Variants in COL7A1 observed in about 807,000 individuals in gnomAD.
COL7A1 encodes the protein collagen alpha-1(VII) chain.
COL7A1 carries 296 observed loss-of-function variants against 456.2 expected under a neutral mutation model. The observed-to-expected ratio is 0.65, with a 90% CI of 0.59 to 0.71. The LOEUF is 0.71. Among genes scored for constraint, COL7A1 ranks in the 30% least tolerant of loss-of-function variants. The pLI is 0.00. For synonymous variants in COL7A1, 1,464 were observed against 1,525.9 expected (o/e 0.96, Z 0.95); for missense variants, 3,441 against 4,017.2 (o/e 0.86, Z 3.88).
In COL7A1 at chr3:48,586,724, T is replaced by C. The variant is rs1559421167; in HGVS notation, c.3277-35A>G. Reference sequence around the variant, plus strand: ...AAGGAAACACAGAGCCTGAGGAGGATGACAGAGCAGGGATGGGGGTGCACA... The same window carrying C: ...AAGGAAACACAGAGCCTGAGGAGGACGACAGAGCAGGGATGGGGGTGCACA... On this transcript the variant is annotated intron_variant, in intron 25 of 118. Coordinates refer to ENST00000681320, the MANE Select transcript of COL7A1 (RefSeq NM_000094.4). The surrounding 1 kb of genome is among the most constrained non-coding windows in gnomAD (Gnocchi z 5.1). 10 of 1,556,740 alleles carry C rather than the reference T, an allele frequency of 6.4e-6. No homozygotes were observed. The highest frequency in any genetic ancestry group is 7.8e-6 in the Non-Finnish European group (9 of 1,149,738).
Position 48,591,543 on chromosome 3 carries a change from C to T in COL7A1, c.1557G>A (p.Leu519=). ...AGGACACTCGCACCCGCTGCCCGGG[C>T]AGCTCGGTGGCTTGCAGGTCTGTTA... ...SPVTDLQATE[L]PGQRVRVSWS... is the part of the protein sequence containing the mutation. The change falls in exon 13 of 119, where the codon CTG becomes CTA. Residue 519 remains leucine, a synonymous_variant. Transcript: ENST00000681320. The surrounding 1 kb of genome is among the most constrained non-coding windows in gnomAD (Gnocchi z 7.0). 3 of 1,613,932 alleles carry T rather than the reference C, an allele frequency of 1.9e-6. No homozygotes were observed. The highest frequency in any genetic ancestry group is 2.5e-6 in the Non-Finnish European group (3 of 1,180,002).
At position 48,574,108 on chromosome 3, in the gene COL7A1, CACAG is replaced by C. The variant is rs1202429073; in HGVS notation, c.6501+150_6501+153del. On this transcript the variant is annotated intron_variant, in intron 80 of 118. Transcript: ENST00000681320. The surrounding 1 kb of genome is among the most constrained non-coding windows in gnomAD (Gnocchi z 5.0). ...ACAGACACAGGCACACACAGGCACA[CACAG>C]ACACAGGCACACACAAGCAGGCACA... Among the ~76,000 whole-genome samples, 2 of 151,880 alleles carry C rather than the reference CACAG, an allele frequency of 1.3e-5. No individual in the cohort carries two copies. Among genetic ancestry groups the C allele is most frequent in the African/African-American group, 4.8e-5 (2 of 41,346 alleles).
chr3:48,573,937 G>C lies in COL7A1; in HGVS notation c.6502-47C>G, dbSNP rs781469394. The C allele has an allele frequency of 4.9e-5, 79 of 1,609,240 alleles. No homozygotes were observed. The highest frequency in any genetic ancestry group is 1.7e-6 in the Non-Finnish European group (2 of 1,178,396). The stretch of plus-strand genomic sequence containing the variant: ...GAGCCTCAATCTGGGCCTCACTTGG[G>C]CCTGTTCCCAACCTCTGGGGGCTTT... On this transcript the variant is annotated intron_variant, in intron 80 of 118. Coordinates refer to ENST00000681320, the MANE Select transcript of COL7A1 (RefSeq NM_000094.4). This position sits in a 1 kb window ranked among gnomAD's most constrained non-coding sequence, Gnocchi z 5.5.
At position 48,575,828 on chromosome 3, in the gene COL7A1, C is replaced by A. The variant is rs769990881; in HGVS notation, c.5856+39G>T. 1 of 1,613,920 alleles carries A rather than the reference C, an allele frequency of 6.2e-7. No individual in the cohort carries two copies. The highest frequency in any genetic ancestry group is 8.5e-7 in the Non-Finnish European group (1 of 1,180,004). On this transcript the variant is annotated intron_variant, in intron 72 of 118. Transcript: ENST00000681320. The surrounding 1 kb of genome is among the most constrained non-coding windows in gnomAD (Gnocchi z 6.3). ...CTGTGGGCACCACTAGCCCCAAGGG[C>A]CCCCACTTGTCCCTACCCCCAGCCC...
rs777140960 is a variant in COL7A1, at chr3:48,567,195, G to T, written c.8047-5C>A. 1 of 1,613,820 alleles carries T rather than the reference G, an allele frequency of 6.2e-7. No homozygotes were observed. The highest frequency in any genetic ancestry group is 1.7e-5 in the Admixed American group (1 of 60,020). ...CCCGTCAAAGCCTCGGTCACCCTGG[G>T]AACAGAAGAAGCATGAGAGACCTTC... is the stretch of plus-strand genomic sequence containing the variant. On this transcript the variant is annotated splice_polypyrimidine_tract_variant and splice_region_variant and intron_variant, in intron 109 of 118. Transcript: ENST00000681320. The surrounding 1 kb of genome is among the most constrained non-coding windows in gnomAD (Gnocchi z 4.3).
chr3:48,584,416 C>T, intron 36 of COL7A1, 41 bp from the exon 37 acceptor site: 2 of 1,613,438 alleles, frequency 1.2e-6, no homozygotes, highest in Non-Finnish European at 1.7e-6. Flanking sequence ...CCCCACAGAC[C>T]TCACTCTCGC....
At position 48,587,990 on chromosome 3, in the gene COL7A1, T is replaced by A. The variant is rs1303999929; in HGVS notation, c.2711-51A>T. ...CAAGAGCATGTGGGATAGTGACACC[T>A]GGGGGCATTAAAGGGCCTGCCCACT... On this transcript the variant is annotated intron_variant, in intron 21 of 118. Coordinates refer to ENST00000681320, the MANE Select transcript of COL7A1 (RefSeq NM_000094.4). This position sits in a 1 kb window ranked among gnomAD's most constrained non-coding sequence, Gnocchi z 6.1. The A allele has an allele frequency of 2.6e-6, 4 of 1,543,056 alleles. No individual in the cohort carries two copies. The highest frequency in any genetic ancestry group is 1.2e-5 in the South Asian group (1 of 84,550).
rs1292345130 is a variant in COL7A1, at chr3:48,565,518, T to C, written c.8441-22A>G. ...GGTCCTGGAGCCAAGAGCAGGGGCC[T>C]CAGGGCCCTGAAGTCACCATGGGCA... On this transcript the variant is annotated intron_variant, in intron 115 of 118. Transcript: ENST00000681320. The surrounding 1 kb of genome is among the most constrained non-coding windows in gnomAD (Gnocchi z 4.5). 7.4e-6 allele frequency: 12 copies of C among 1,613,738 alleles called. No individual in the cohort carries two copies. Among genetic ancestry groups the C allele is most frequent in the Admixed American group, 1.7e-5 (1 of 59,984 alleles).
In COL7A1 at chr3:48,590,553, C is replaced by T. The variant is rs374705760; in HGVS notation, c.1812G>A (p.Leu604=). 2 of 1,614,088 alleles carry T rather than the reference C, an allele frequency of 1.2e-6. No homozygotes were observed. The highest frequency in any genetic ancestry group is 1.3e-5 in the African/African-American group (1 of 74,934). The change falls in exon 15 of 119, where the codon CTG becomes CTA. Residue 604 remains leucine, a synonymous_variant. Coordinates refer to ENST00000681320, the MANE Select transcript of COL7A1 (RefSeq NM_000094.4). The surrounding 1 kb of genome is among the most constrained non-coding windows in gnomAD (Gnocchi z 4.6). ...EPETPLAVPG[L]RVVVSDATRV... ...GCGTTGCATCTGACACCACAACCCG[C>T]AGCCCTGGAACAGCAAGTGGAGTTT...
chr3:48,570,405 T>C lies in COL7A1; in HGVS notation c.7380+60A>G. 5 of 1,613,832 alleles carry C rather than the reference T, an allele frequency of 3.1e-6. No individual in the cohort carries two copies. The highest frequency in any genetic ancestry group is 4.2e-6 in the Non-Finnish European group (5 of 1,179,838). ...GGGACGCAGGGTCATGGGAGGTCAG[T>C]GGAGGCTGAAGGGGGTGACCAGGGC... On this transcript the variant is annotated intron_variant, in intron 97 of 118. Coordinates refer to ENST00000681320, the MANE Select transcript of COL7A1 (RefSeq NM_000094.4). This position sits in a 1 kb window ranked among gnomAD's most constrained non-coding sequence, Gnocchi z 5.5.
rs770733964 is a variant in COL7A1 at position 48,593,576 on chromosome 3, A to G, written c.387T>C (p.His129=). 2 of 1,614,196 alleles carry G rather than the reference A, an allele frequency of 1.2e-6. No homozygotes were observed. The highest frequency in any genetic ancestry group is 2.7e-5 in the African/African-American group (2 of 75,052). ...TGAAILHVAD[H]VFLPQLARPG... is the part of the protein sequence containing the mutation. Reference sequence around the variant, plus strand: ...GTCGGGCCAGCTGGGGCAGGAAGACATGGTCAGCCACATGGAGAATTGCAG... The same window carrying G: ...GTCGGGCCAGCTGGGGCAGGAAGACGTGGTCAGCCACATGGAGAATTGCAG... The change falls in exon 4 of 119, where the codon CAT becomes CAC. Residue 129 remains histidine (H), a synonymous_variant. Transcript: ENST00000681320. This position sits in a 1 kb window ranked among gnomAD's most constrained non-coding sequence, Gnocchi z 4.4.
In COL7A1 at chr3:48,564,531, G is replaced by T; in HGVS notation, c.8819-109C>A. ...AGCGGAGGCTACAACAGGAAGTGGG[G>T]GCTCTGACCTCAGAGGGGTCCATAC... is the stretch of plus-strand genomic sequence containing the variant. On this transcript the variant is annotated intron_variant, in intron 118 of 118. Coordinates refer to ENST00000681320, the MANE Select transcript of COL7A1 (RefSeq NM_000094.4). This position sits in a 1 kb window ranked among gnomAD's most constrained non-coding sequence, Gnocchi z 6.0. 1.5e-6 allele frequency: 2 copies of T among 1,364,100 alleles called. No homozygotes were observed. The highest frequency in any genetic ancestry group is 1.0e-6 in the Non-Finnish European group (1 of 969,244). 84.5% of individuals were successfully genotyped at this position (1,364,100 alleles called of 1,614,324 possible). A position where few individuals can be genotyped will look rare whatever the true frequency, so the allele number is the denominator to read the frequency against.
In COL7A1 at chr3:48,564,607, C is replaced by T. The variant is rs992204682; in HGVS notation, c.8818+176G>A. On this transcript the variant is annotated intron_variant, in intron 118 of 118. Coordinates refer to ENST00000681320, the MANE Select transcript of COL7A1 (RefSeq NM_000094.4). The surrounding 1 kb of genome is among the most constrained non-coding windows in gnomAD (Gnocchi z 6.0). ...GAAGGGGACCCTACTGGGGGCTCCA[C>T]GGCTGGGGCTCTATATTCAGCTCTT... is the stretch of plus-strand genomic sequence containing the variant. 31 of 1,015,962 alleles carry T rather than the reference C, an allele frequency of 3.1e-5. No homozygotes were observed. The highest frequency in any genetic ancestry group is 4.1e-5 in the Non-Finnish European group (28 of 680,858). The allele number at this position is 1,015,962 out of a possible 1,614,324, so 62.9% of individuals were successfully genotyped here. A position where few individuals can be genotyped will look rare whatever the true frequency, so the allele number is the denominator to read the frequency against.
rs902504437 is a variant in COL7A1, at chr3:48,587,653, T to A, written c.2858-99A>T. 1.0e-4 allele frequency: 163 copies of A among 1,601,390 alleles called. 1 individual carries two copies. The African/African-American group carries it at 2.1e-3, about 20-fold the overall frequency. On this transcript the variant is annotated intron_variant, in intron 22 of 118. Transcript: ENST00000681320. The surrounding 1 kb of genome is among the most constrained non-coding windows in gnomAD (Gnocchi z 6.1). ...GGGTCCGGTTTGTCTTATTGAAGCATCATGGGAGGTCATGCTGGGGTCACC... is the reference window on the plus strand; with the variant it reads ...GGGTCCGGTTTGTCTTATTGAAGCAACATGGGAGGTCATGCTGGGGTCACC...
rs767752294 is a variant in COL7A1, at chr3:48,575,550, G to A, written c.5980-11C>T. 1 of 1,612,734 alleles carries A rather than the reference G, an allele frequency of 6.2e-7. No individual in the cohort carries two copies. The highest frequency in any genetic ancestry group is 8.5e-7 in the Non-Finnish European group (1 of 1,179,998). ...AAAGCCGATGGGGCCCTGCAGGAGT[G>A]GAAGAGAGAATGCTGGTGGCTGTAC... is the stretch of plus-strand genomic sequence containing the variant. On this transcript the variant is annotated splice_polypyrimidine_tract_variant and intron_variant, in intron 73 of 118. Coordinates refer to ENST00000681320, the MANE Select transcript of COL7A1 (RefSeq NM_000094.4). This position sits in a 1 kb window ranked among gnomAD's most constrained non-coding sequence, Gnocchi z 6.3.
At position 48,581,654 on chromosome 3, in the gene COL7A1, G is replaced by T. The variant is rs755219773; in HGVS notation, c.4723-22C>A. ...GGCCCTGTGGATGGAAGGATAAGAA[G>T]TCAGGAAGACAACCTTCACCAACTG... is the stretch of plus-strand genomic sequence containing the variant. On this transcript the variant is annotated intron_variant, in intron 49 of 118. Transcript: ENST00000681320. This position sits in a 1 kb window ranked among gnomAD's most constrained non-coding sequence, Gnocchi z 5.8. 1.2e-6 allele frequency: 2 copies of T among 1,614,164 alleles called. No individual in the cohort carries two copies. The highest frequency in any genetic ancestry group is 3.3e-5 in the Admixed American group (2 of 60,032).
chr3:48,579,564 C>T lies in COL7A1; in HGVS notation c.5235+24G>A, dbSNP rs753343101. The T allele has an allele frequency of 8.1e-6, 13 of 1,613,700 alleles. No homozygotes were observed. Among genetic ancestry groups the T allele is most frequent in the Admixed American group, 3.3e-5 (2 of 60,006 alleles). On this transcript the variant is annotated intron_variant, in intron 59 of 118. Coordinates refer to ENST00000681320, the MANE Select transcript of COL7A1 (RefSeq NM_000094.4). This position sits in a 1 kb window ranked among gnomAD's most constrained non-coding sequence, Gnocchi z 4.4. ...CAGAGCAGGCCCTCCCATGCCTGCA[C>T]CCCCGAGGACCAATCACACTCACCC...
In COL7A1 at chr3:48,580,843, C is replaced by T; in HGVS notation, c.4980+39G>A. On this transcript the variant is annotated intron_variant, in intron 54 of 118. Coordinates refer to ENST00000681320, the MANE Select transcript of COL7A1 (RefSeq NM_000094.4). This position sits in a 1 kb window ranked among gnomAD's most constrained non-coding sequence, Gnocchi z 4.5. ...CCTTTCCTATCACCTTCATGCCCAC[C>T]TCCCATCACCCCTGTTACTTCTCTC... 6.2e-7 allele frequency: 1 copy of T among 1,613,662 alleles called. No homozygotes were observed. Among genetic ancestry groups the T allele is most frequent in the East Asian group, 2.2e-5 (1 of 44,880 alleles).
rs771119509 is a variant in COL7A1, at chr3:48,593,166, T to A, written c.618A>T (p.Thr206=). 1 of 1,614,128 alleles carries A rather than the reference T, an allele frequency of 6.2e-7. No homozygotes were observed. Among genetic ancestry groups the A allele is most frequent in the South Asian group, 1.1e-5 (1 of 91,078 alleles). Residue 206 remains threonine, a synonymous_variant, in exon 6 of 119, where the codon ACA becomes ACT. Coordinates refer to ENST00000681320, the MANE Select transcript of COL7A1 (RefSeq NM_000094.4). The surrounding 1 kb of genome is among the most constrained non-coding windows in gnomAD (Gnocchi z 4.4). ...FFVNDFSILR[T]LLPLVSRRVC... is the part of the protein sequence containing the mutation. The stretch of plus-strand genomic sequence containing the variant: ...CTCTCCGGGAAACGAGGGGCAGTAG[T>A]GTCCTCAAGATGCTGAAGTCATTGA...
Sources: gnomAD v4.1 joint callset for allele counts (sites outside exome capture counted in the v4.1 genomes callset) on GRCh38, gnomAD v4.1.1 for gene constraint, Gnocchi (gnomAD v3.1) non-coding constraint, MANE v1.5 for transcripts, NCBI Gene and HGNC (gene_info 2026-07-23, HGNC 2026-07-21) for gene names.